Variants in TBXAS1 observed in about 807,000 individuals in gnomAD.
TBXAS1 encodes the protein thromboxane A synthase 1.
Under a neutral mutation model 60.7 loss-of-function variants are expected in TBXAS1, and 48 were observed. That is an observed-to-expected ratio of 0.79 (90% CI 0.63 to 1.01). The LOEUF (loss-of-function observed/expected upper bound fraction) is 1.01. Ranked by LOEUF, TBXAS1 falls within the 50% of genes least tolerant of loss-of-function variation. The pLI is 0.00. For missense variants in TBXAS1, 685 were observed against 686.3 expected (o/e 1.00, Z 0.02); for synonymous variants, 287 against 269.7 (o/e 1.06, Z -0.63).
chr7:139,845,502 T>A (rs1799739317), intron 1 of TBXAS1, among the ~76,000 whole-genome samples: 1 of 152,162 alleles, frequency 6.6e-6, no homozygotes, highest in African/African-American at 2.4e-5. Flanking sequence ...CTTGCCCCAA[T>A]GTACCTGGTA....
chr7:139,961,926 G>C lies in TBXAS1; in HGVS notation c.827G>C (p.Arg276Thr), dbSNP rs1466415913. Residue 276 changes from arginine (R) to threonine (T), a missense_variant, in exon 9 of 13, where the codon AGA (arginine) becomes ACA (threonine). Coordinates refer to ENST00000448866, the MANE Select transcript of TBXAS1 (RefSeq NM_001061.7). ...RDQQAAEERR[R>T]DFLQMVLDAR... ...TCTCCTTTTGTTCCTTAGAGGCGGA[G>C]AGACTTCCTCCAAATGGTCCTGGAT... The C allele has an allele frequency of 1.9e-6, 3 of 1,614,234 alleles. No homozygotes were observed. Among genetic ancestry groups the C allele is most frequent in the East Asian group, 2.2e-5 (1 of 44,892 alleles).
intron 4 of TBXAS1, among the ~76,000 whole-genome samples, chr7:139,917,996 C>A (rs1291455715): frequency 2.0e-5 from 3 of 152,150 alleles, no homozygotes; most frequent in African/African-American, 7.2e-5. Context: ...AAAATCAATT[C>A]TTATCTCTCA....
chr7:139,778,917 T>G lies in TBXAS1; in HGVS notation c.-318+446T>G, dbSNP rs1304389470. ...TTGAGTCTCCTCTTAGGCACTGTTT[T>G]TAAAACTGTGGGTCGTGACACAGTA... On this transcript the variant is annotated intron_variant, in intron 1 of 16. Transcript: ENST00000336425. The surrounding 1 kb of genome is among the most constrained non-coding windows in gnomAD (Gnocchi z 4.8). Among the ~76,000 whole-genome samples, 1 of 152,190 alleles carries G rather than the reference T, an allele frequency of 6.6e-6. No individual in the cohort carries two copies. The highest frequency in any genetic ancestry group is 1.5e-5 in the Non-Finnish European group (1 of 68,032).
At chr7:140,018,449 A>T (rs1815276576) in intron 12 of TBXAS1, among the ~76,000 whole-genome samples, 1 of 151,956 alleles carries the variant, frequency 6.6e-6, no homozygotes, top group East Asian at 1.9e-4. Flanking sequence ...TCTTCCCAAC[A>T]ACATATGCCT....
At chr7:139,931,709 C>T (rs1807343954) in intron 4 of TBXAS1, among the ~76,000 whole-genome samples, 1 of 152,134 alleles carries the variant, frequency 6.6e-6, no homozygotes, top group South Asian at 2.1e-4. Flanking sequence ...TCAATTTCCT[C>T]CCACCAGGTC....
At chr7:139,992,254 A>C (rs769944108) in intron 9 of TBXAS1, among the ~76,000 whole-genome samples, 1 of 152,228 alleles carries the variant, frequency 6.6e-6, no homozygotes, top group Non-Finnish European at 1.5e-5. Flanking sequence ...CTCCAGGTCC[A>C]TGGAAGATAA....
At chr7:139,961,239 TC>T (rs1159708126) in intron 8 of TBXAS1, among the ~76,000 whole-genome samples, 9 of 152,112 alleles carry the variant, frequency 5.9e-5, no homozygotes, top group Non-Finnish European at 1.3e-4. Context: ...GCCAAACTAG[TC>T]CCCTCGCCTT....
intron 9 of TBXAS1, among the ~76,000 whole-genome samples, chr7:139,977,526 G>C (rs866968647): frequency 6.6e-6 from 1 of 152,164 alleles, no homozygotes; most frequent in African/African-American, 2.4e-5. Flanking sequence ...AACCATATCA[G>C]AGGGTGAGGG....
rs1286970752 is a variant in TBXAS1 at position 139,778,690 on chromosome 7, G to A, written c.-318+219G>A. On this transcript the variant is annotated intron_variant, in intron 1 of 16. Coordinates refer to the TBXAS1 transcript ENST00000336425. This position sits in a 1 kb window ranked among gnomAD's most constrained non-coding sequence, Gnocchi z 4.8. ...CTCCTCCTCGCGTCTACACTGTCCC[G>A]AGGGCCGCCACTCCATCACTTGAAT... Among the ~76,000 whole-genome samples, 2 of 152,052 alleles carry A rather than the reference G, an allele frequency of 1.3e-5. No individual in the cohort carries two copies. Among genetic ancestry groups the A allele is most frequent in the Non-Finnish European group, 2.9e-5 (2 of 67,996 alleles).
intron 4 of TBXAS1, among the ~76,000 whole-genome samples, chr7:139,804,719 G>A (rs576721947): frequency 1.3e-5 from 2 of 152,096 alleles, no homozygotes; most frequent in Admixed American, 6.6e-5. Context: ...TTCTATAAAC[G>A]GCAGTTCCCC....
At chr7:139,863,357 G>A (rs1801105291) in intron 1 of TBXAS1, among the ~76,000 whole-genome samples, 1 of 152,122 alleles carries the variant, frequency 6.6e-6, no homozygotes, top group Non-Finnish European at 1.5e-5. Context: ...TATTTATTGA[G>A]TAGTCTTCTA....
At chr7:139,886,658 A>G (rs1803137296) in intron 3 of TBXAS1, among the ~76,000 whole-genome samples, 1 of 152,126 alleles carries the variant, frequency 6.6e-6, no homozygotes, top group Admixed American at 6.5e-5. Flanking sequence ...TGCCACCTCC[A>G]TCTTTTCCGT....
chr7:139,902,057 T>C (rs1421514757), intron 3 of TBXAS1, among the ~76,000 whole-genome samples: 1 of 4,172 alleles, frequency 2.4e-4, no homozygotes, highest in Non-Finnish European at 4.4e-4. Flanking sequence ...TATAGTACGT[T>C]ATCAAAACCA....
chr7:139,901,326 C>CAA (rs8192825), intron 3 of TBXAS1, among the ~76,000 whole-genome samples: 1,649 of 123,252 alleles, frequency 0.013, 22 homozygotes, highest in South Asian at 0.025. Flanking sequence ...AATATTACTA[C>CAA]AAAAAAAAAA....
chr7:139,815,189 G>T (rs539453345), intron 4 of TBXAS1, among the ~76,000 whole-genome samples: 53 of 152,344 alleles, frequency 3.5e-4, no homozygotes, highest in Non-Finnish European at 5.9e-4. Flanking sequence ...CTCTGGCCTT[G>T]CTGTTCCATG....
chr7:139,940,389 G>A (rs1361764645), intron 5 of TBXAS1, among the ~76,000 whole-genome samples: 1 of 152,162 alleles, frequency 6.6e-6, no homozygotes, highest in Non-Finnish European at 1.5e-5. Context: ...ACCAAGGGCT[G>A]CATGAGAATC....
intron 2 of TBXAS1, chr7:139,782,467 T>TTC: frequency 6.6e-6 from 1 of 151,920 alleles, no homozygotes; most frequent in South Asian, 2.1e-4. Flanking sequence ...AGGGTCTTTT[T>TTC]TTTTTCATGT....
intron 4 of TBXAS1, among the ~76,000 whole-genome samples, chr7:139,802,603 G>A (rs1431779582): frequency 6.6e-6 from 1 of 152,284 alleles, no homozygotes; most frequent in East Asian, 1.9e-4. Context: ...TGGCCAACAT[G>A]GTGAAGCCCC....
intron 3 of TBXAS1, chr7:139,906,011 A>G (rs112543048): frequency 0.01 from 2,358 of 226,934 alleles, 31 homozygotes; most frequent in South Asian, 0.026. Flanking sequence ...TTTTGAGTTC[A>G]TTTTTTGCAT....
Sources: allele counts gnomAD v4.1 joint callset (sites outside exome capture counted in the v4.1 genomes callset), GRCh38; gene constraint gnomAD v4.1.1; non-coding constraint Gnocchi (gnomAD v3.1); transcripts MANE v1.5; gene names NCBI Gene and HGNC (gene_info 2026-07-23, HGNC 2026-07-21).